The following ASTN2 variants were observed in gnomAD, a reference collection of about 807,000 sequenced individuals.
ASTN2 encodes astrotactin-2.
Under a neutral mutation model 139.8 loss-of-function variants are expected in ASTN2, and 54 were observed. The observed-to-expected ratio is 0.39, with a 90% CI of 0.31 to 0.48. ASTN2 has a LOEUF of 0.48. Ranked by LOEUF, ASTN2 falls within the 20% of genes least tolerant of loss-of-function variation. The pLI is 0.95. For synonymous variants in ASTN2, 756 were observed against 719.5 expected (o/e 1.05, Z -0.81); for missense variants, 1,565 against 1,725.1 (o/e 0.91, Z 1.64).
At chr9:116,898,734 TTCACATC>T (rs1387051172) in intron 10 of ASTN2, among the ~76,000 whole-genome samples, 3 of 152,198 alleles carry the variant, frequency 2.0e-5, no homozygotes, top group Non-Finnish European at 4.4e-5. Flanking sequence ...CAGTGGCACG[TTCACATC>T]TCACTGCAGC....
At chr9:116,485,467 G>A (rs1005227534) in intron 20 of ASTN2, among the ~76,000 whole-genome samples, 1 of 152,166 alleles carries the variant, frequency 6.6e-6, no homozygotes, top group Admixed American at 6.5e-5. Flanking sequence ...GGACTTAATC[G>A]CTCTTAATGT....
rs1001462293 is a variant in ASTN2 at position 116,464,877 on chromosome 9, T to C, written c.3498-22324A>G. Among the ~76,000 whole-genome samples, 3 of 152,214 alleles carry C rather than the reference T, an allele frequency of 2.0e-5. No homozygotes were observed. In the South Asian group the frequency reaches 6.2e-4, roughly 31 times the overall value. ...ACTGATAAGTAAGTGTGAGGCACAA[T>C]GGGTGCGATATGCCTGATGTCTATT... On this transcript the variant is annotated intron_variant, in intron 20 of 22. Transcript: ENST00000313400.
intron 10 of ASTN2, among the ~76,000 whole-genome samples, chr9:116,973,048 T>C (rs1414882832): frequency 2.0e-5 from 3 of 152,218 alleles, no homozygotes; most frequent in Non-Finnish European, 4.4e-5. Context: ...GGTTTATTAG[T>C]GCAGCTTGGA....
intron 11 of ASTN2, among the ~76,000 whole-genome samples, chr9:116,849,260 C>T (rs1034086314): frequency 1.3e-5 from 2 of 152,110 alleles, no homozygotes; most frequent in Non-Finnish European, 2.9e-5. Flanking sequence ...AAATCATTGG[C>T]CACTGGTGAT....
chr9:116,683,962 A>G (rs1356675649), intron 16 of ASTN2, among the ~76,000 whole-genome samples: 1 of 152,220 alleles, frequency 6.6e-6, no homozygotes, highest in Non-Finnish European at 1.5e-5. Flanking sequence ...TGGGGAATCT[A>G]ACCTCAGACC....
intron 10 of ASTN2, among the ~76,000 whole-genome samples, chr9:116,885,084 C>T (rs556913100): frequency 6.6e-6 from 1 of 152,140 alleles, no homozygotes; most frequent in South Asian, 2.1e-4. Context: ...CCTTAATTGC[C>T]TCTTTAATGA....
chr9:116,502,460 A>G (rs1311371977), intron 19 of ASTN2, among the ~76,000 whole-genome samples: 1 of 152,018 alleles, frequency 6.6e-6, no homozygotes, highest in Non-Finnish European at 1.5e-5. Flanking sequence ...AGAGAGAGAC[A>G]TAGATAAGAA....
At chr9:117,330,390 G>A (rs754479788) in intron 1 of ASTN2, among the ~76,000 whole-genome samples, 20 of 152,140 alleles carry the variant, frequency 1.3e-4, no homozygotes, top group Admixed American at 2.6e-4. Context: ...GTCCCTCTCC[G>A]AAGCCCCTCT....
chr9:117,082,658 C>T (rs536432596), intron 5 of ASTN2, among the ~76,000 whole-genome samples: 1 of 152,284 alleles, frequency 6.6e-6, no homozygotes, highest in South Asian at 2.1e-4. Flanking sequence ...AAAAAATTAG[C>T]TGGGCATGGT....
At chr9:117,001,782 G>A (rs1025005560) in intron 7 of ASTN2, among the ~76,000 whole-genome samples, 1 of 152,072 alleles carries the variant, frequency 6.6e-6, no homozygotes, top group Non-Finnish European at 1.5e-5. Context: ...CAGGCATGGG[G>A]CACTTTGTTA....
intron 2 of ASTN2, among the ~76,000 whole-genome samples, chr9:117,260,582 C>T (rs1833799095): frequency 2.0e-5 from 3 of 152,242 alleles, no homozygotes; most frequent in Admixed American, 2.0e-4. Context: ...TGAGAAAAAT[C>T]AAAAGGTCAG....
At chr9:116,467,222 G>T (rs765532366) in intron 20 of ASTN2, among the ~76,000 whole-genome samples, 4 of 151,436 alleles carry the variant, frequency 2.6e-5, no homozygotes, top group Non-Finnish European at 5.9e-5. Context: ...TTAGAATGCA[G>T]CCAGCACACA....
chr9:116,538,973 C>A (rs1452514967), intron 19 of ASTN2, among the ~76,000 whole-genome samples: 1 of 152,070 alleles, frequency 6.6e-6, no homozygotes, highest in Non-Finnish European at 1.5e-5. Flanking sequence ...AAAGAAAACA[C>A]CAGAAATAAT....
At chr9:116,823,577 G>C (rs1181434515) in intron 11 of ASTN2, among the ~76,000 whole-genome samples, 3 of 152,174 alleles carry the variant, frequency 2.0e-5, no homozygotes, top group Non-Finnish European at 4.4e-5. Flanking sequence ...CATGAGCGAA[G>C]AACGTGAAGC....
At chr9:116,645,486 C>A (rs1857544032) in intron 17 of ASTN2, among the ~76,000 whole-genome samples, 2 of 152,108 alleles carry the variant, frequency 1.3e-5, no homozygotes, top group South Asian at 4.1e-4. Context: ...CCCCAACTAC[C>A]CAAGGAGCTA....
At chr9:117,285,101 T>C (rs961630218) in intron 2 of ASTN2, among the ~76,000 whole-genome samples, 2 of 152,216 alleles carry the variant, frequency 1.3e-5, no homozygotes, top group Non-Finnish European at 2.9e-5. Context: ...ACTCAGTTAC[T>C]GTTTCTCTTA....
intron 7 of ASTN2, among the ~76,000 whole-genome samples, chr9:117,003,944 G>GCA (rs759376782): frequency 0.017 from 2,395 of 141,594 alleles, 52 homozygotes; most frequent in African/African-American, 0.051. Context: ...TCTTTCACGC[G>GCA]CGCGCGCGCG....
At chr9:117,207,489 G>A (rs1422763759) in intron 3 of ASTN2, among the ~76,000 whole-genome samples, 1 of 152,114 alleles carries the variant, frequency 6.6e-6, no homozygotes, top group African/African-American at 2.4e-5. Context: ...CACATAGCAG[G>A]CCTAAGAAAC....
At chr9:116,486,398 G>A (rs1307078754) in intron 20 of ASTN2, among the ~76,000 whole-genome samples, 1 of 152,182 alleles carries the variant, frequency 6.6e-6, no homozygotes, top group Non-Finnish European at 1.5e-5. Flanking sequence ...GTGAATAGAT[G>A]GATGAAGAGA....
Sources: gnomAD v4.1 joint callset for allele counts (sites outside exome capture counted in the v4.1 genomes callset) on GRCh38, gnomAD v4.1.1 for gene constraint, MANE v1.5 for transcripts, NCBI Gene and HGNC (gene_info 2026-07-23, HGNC 2026-07-21) for gene names.